The following ANGPTL2 variants were observed in gnomAD, a reference collection of about 807,000 sequenced individuals.
ANGPTL2 encodes angiopoietin like 2.
ANGPTL2 carries 25 observed loss-of-function variants against 52.8 expected under a neutral mutation model. The observed-to-expected ratio is 0.47, with a 90% confidence interval of 0.35 to 0.66. The LOEUF (loss-of-function observed/expected upper bound fraction) is 0.66, where lower values mean the gene tolerates loss of function less well. ANGPTL2 is among the 30% of genes least tolerant of loss of function. The pLI is 0.01. For synonymous variants in ANGPTL2, 276 were observed against 277.4 expected, an observed-to-expected ratio of 1.00 and a Z score of 0.05; for missense variants, 546 against 656.9, an observed-to-expected ratio of 0.83 and a Z score of 1.84.
chr9:127,099,297 C>T (rs1485151191), intron 2 of ANGPTL2, among the ~76,000 whole-genome samples: 1 of 152,208 alleles, frequency 6.6e-6, no homozygotes, highest in Admixed American at 6.5e-5. Flanking sequence ...TAGGGAGAGG[C>T]TTCTGTGATA....
chr9:127,089,998 C>T (rs1405219579), intron 4 of ANGPTL2, among the ~76,000 whole-genome samples: 3 of 152,154 alleles, frequency 2.0e-5, no homozygotes, highest in Non-Finnish European at 4.4e-5. Context: ...TGGCCGAGGC[C>T]GTGGGATGAG....
intron 2 of ANGPTL2, among the ~76,000 whole-genome samples, chr9:127,097,707 T>C (rs2053287667): frequency 6.6e-6 from 1 of 152,160 alleles, no homozygotes; most frequent in Non-Finnish European, 1.5e-5. Context: ...CTGTGAAAAA[T>C]CTATAGCTGT....
At chr9:127,095,010 T>C (rs2052947600) in intron 2 of ANGPTL2, among the ~76,000 whole-genome samples, 2 of 152,316 alleles carry the variant, frequency 1.3e-5, no homozygotes, top group African/African-American at 2.4e-5. Flanking sequence ...GCCTTTCTCA[T>C]TGATCTGAGG....
At position 127,108,000 on chromosome 9, in the gene ANGPTL2, ACT is replaced by A; in HGVS notation, c.730_731del (p.Ser244Ter). On this transcript the variant is annotated frameshift_variant, in exon 2 of 5. Transcript: ENST00000373425. LOFTEE classifies it high-confidence loss of function. ...GTGGCAGCACCTTCAGGTTCTGGTC[ACT>A]CTGGATCTCGTTGGTAGAGATCTGG... is the stretch of plus-strand genomic sequence containing the variant. ...INQISTNEIQ[S>X]DQNLKVLPPP... is the part of the protein sequence containing the mutation. 6.3e-7 allele frequency: 1 copy of A among 1,590,278 alleles called. No homozygotes were observed. Among genetic ancestry groups the A allele is most frequent in the Non-Finnish European group, 8.6e-7 (1 of 1,165,392 alleles).
At chr9:127,100,425 A>C (rs2053601761) in intron 2 of ANGPTL2, among the ~76,000 whole-genome samples, 1 of 152,230 alleles carries the variant, frequency 6.6e-6, no homozygotes, top group African/African-American at 2.4e-5. Context: ...GCCACTGTCC[A>C]AAGCATTGCG....
At chr9:127,094,850 G>A (rs569180852) in intron 2 of ANGPTL2, among the ~76,000 whole-genome samples, 10 of 152,332 alleles carry the variant, frequency 6.6e-5, no homozygotes, top group South Asian at 4.1e-4. Context: ...AGCCCAGTCA[G>A]AAGGAATGGG....
At chr9:127,103,424 A>T (rs1215371619) in intron 2 of ANGPTL2, among the ~76,000 whole-genome samples, 1 of 152,226 alleles carries the variant, frequency 6.6e-6, no homozygotes, top group African/African-American at 2.4e-5. Flanking sequence ...ACATTTATAC[A>T]GTCAGGGCTA....
Position 127,091,567 on chromosome 9 carries a change from C to A in ANGPTL2, c.1282+103G>T. 6.8e-7 allele frequency: 1 copy of A among 1,476,880 alleles called. No individual in the cohort carries two copies. Among genetic ancestry groups the A allele is most frequent in the Non-Finnish European group, 9.1e-7 (1 of 1,100,192 alleles). 91.5% of individuals were successfully genotyped at this position (1,476,880 alleles called of 1,614,324 possible). ...CAGGCAGCTTGGCCCAGCTGCTTCT[C>A]ACCCTGGGATCTTCCCGTTTCCAAG... On this transcript the variant is annotated intron_variant, in intron 4 of 4. Coordinates refer to ENST00000373425, the MANE Select transcript of ANGPTL2 (RefSeq NM_012098.3). The surrounding 1 kb of genome is among the most constrained non-coding windows in gnomAD (Gnocchi z 4.3).
intron 4 of ANGPTL2, among the ~76,000 whole-genome samples, chr9:127,089,823 G>T (rs1013291156): frequency 2.6e-5 from 4 of 152,222 alleles, no homozygotes; most frequent in Admixed American, 2.6e-4. Flanking sequence ...GGCATGCAGG[G>T]GCAGTGCACT....
At chr9:127,104,907 C>T (rs2054070958) in intron 2 of ANGPTL2, among the ~76,000 whole-genome samples, 1 of 152,244 alleles carries the variant, frequency 6.6e-6, no homozygotes, top group African/African-American at 2.4e-5. Flanking sequence ...AGTGTTTTGT[C>T]TTCCAGGATA....
At chr9:127,121,913 G>T (rs1173891650) in intron 1 of ANGPTL2, among the ~76,000 whole-genome samples, 9 of 152,172 alleles carry the variant, frequency 5.9e-5, no homozygotes, top group South Asian at 2.1e-4. Context: ...AAGCTTCAAA[G>T]TGACTACCCA....
chr9:127,108,166 A>G lies in ANGPTL2; in HGVS notation c.566T>C (p.Leu189Pro). The G allele has an allele frequency of 1.2e-6, 2 of 1,614,094 alleles. No individual in the cohort carries two copies. Among genetic ancestry groups the G allele is most frequent in the Non-Finnish European group, 8.5e-7 (1 of 1,180,012 alleles). Reference protein sequence around the residue: ...LEHKYQHLATLAHNQSEIIAQ... With the variant: ...LEHKYQHLATPAHNQSEIIAQ... ...GATGATCTCTGATTGGTTGTGGGCCAGTGTGGCCAGGTGCTGGTACTTGTG... is the reference window on the plus strand; with the variant it reads ...GATGATCTCTGATTGGTTGTGGGCCGGTGTGGCCAGGTGCTGGTACTTGTG... The change falls in exon 2 of 5, where the codon CTG becomes CCG. Residue 189 changes from leucine to proline, a missense_variant. Transcript: ENST00000373425.
chr9:127,095,123 G>T (rs1281160), intron 2 of ANGPTL2, among the ~76,000 whole-genome samples: 3,584 of 152,338 alleles, frequency 0.024, 47 homozygotes, highest in Middle Eastern at 0.051. Flanking sequence ...ATAGGGCCGG[G>T]CACGGTGGCT....
In ANGPTL2 at chr9:127,088,050, C is replaced by T. The variant is rs1487757692; in HGVS notation, c.*889G>A. The T allele has an allele frequency of 6.6e-6, 1 of 152,502 alleles. No homozygotes were observed. Among genetic ancestry groups the T allele is most frequent in the Non-Finnish European group, 1.5e-5 (1 of 68,022 alleles). The allele number at this position is 152,502 out of a possible 1,614,324, so 9.4% of individuals were successfully genotyped here. On this transcript the variant is annotated 3_prime_UTR_variant, in exon 5 of 5. Transcript: ENST00000373425. ...CCTACTCAGAAGCTGAGGAATCTCG[C>T]CTGGAAAGAAGGGGCTGTGCGACAG...
intron 1 of ANGPTL2, among the ~76,000 whole-genome samples, chr9:127,115,386 C>T (rs375818065): frequency 2.1e-4 from 32 of 152,242 alleles, no homozygotes; most frequent in African/African-American, 7.7e-4. Context: ...GACAGGGTTT[C>T]GCCATGCTGG....
At chr9:127,119,291 G>A (rs1457701845) in intron 1 of ANGPTL2, among the ~76,000 whole-genome samples, 2 of 152,236 alleles carry the variant, frequency 1.3e-5, no homozygotes, top group South Asian at 2.1e-4. Context: ...CAAGGGATGC[G>A]CTAAAGTTGA....
At chr9:127,095,613 A>G (rs1452777331) in intron 2 of ANGPTL2, among the ~76,000 whole-genome samples, 1 of 151,826 alleles carries the variant, frequency 6.6e-6, no homozygotes, top group Admixed American at 6.6e-5. Flanking sequence ...TGACCTCACT[A>G]CCTCCTCCCC....
chr9:127,104,628 A>C lies in ANGPTL2; in HGVS notation c.817+3287T>G, dbSNP rs888518039. ...TCCTCACTCAGGCTCTCAGTAGGCC[A>C]TCCTGGCCTGGGACCACCCTGTTAC... On this transcript the variant is annotated intron_variant, in intron 2 of 4. Transcript: ENST00000373425. Among the ~76,000 whole-genome samples, 4 of 152,362 alleles carry C rather than the reference A, an allele frequency of 2.6e-5. No individual in the cohort carries two copies. In the South Asian group the frequency reaches 8.3e-4, roughly 32 times the overall value.
intron 2 of ANGPTL2, among the ~76,000 whole-genome samples, chr9:127,103,074 G>A (rs1443890722): frequency 6.6e-6 from 1 of 152,204 alleles, no homozygotes; most frequent in African/African-American, 2.4e-5. Flanking sequence ...GCCTACTGAA[G>A]CTGACCCAGC....
Sources: gnomAD v4.1 joint callset for allele counts (sites outside exome capture counted in the v4.1 genomes callset) on GRCh38, gnomAD v4.1.1 for gene constraint, Gnocchi (gnomAD v3.1) non-coding constraint, MANE v1.5 for transcripts, NCBI Gene and HGNC (gene_info 2026-07-23, HGNC 2026-07-21) for gene names.